The following ZFAT variants were observed in gnomAD, a reference collection of about 807,000 sequenced individuals.
ZFAT encodes the protein zinc finger protein ZFAT.
Under a neutral mutation model 117.7 loss-of-function variants are expected in ZFAT, and 64 were observed. The observed-to-expected ratio is 0.54, with a 90% CI of 0.44 to 0.67. The LOEUF (loss-of-function observed/expected upper bound fraction) is 0.67, where lower values mean the gene tolerates loss of function less well. ZFAT is among the 30% of genes least tolerant of loss of function. The probability of loss-of-function intolerance (pLI) is 0.00; values close to 1 mark genes in which losing one functional copy is unlikely to be tolerated. For missense variants in ZFAT, 1,433 were observed against 1,584.5 expected (o/e 0.90, Z 1.62); for synonymous variants, 679 against 615.0 (o/e 1.10, Z -1.54).
At chr8:134,516,669 T>A (rs1040324797) in intron 13 of ZFAT, among the ~76,000 whole-genome samples, 1 of 152,074 alleles carries the variant, frequency 6.6e-6, no homozygotes, top group East Asian at 1.9e-4. Flanking sequence ...ATCCTGTCTC[T>A]ATTTTTAAAA....
At chr8:134,769,733 C>A in the ZFAT span, among the ~76,000 whole-genome samples, 1 of 151,964 alleles carries the variant, frequency 6.6e-6, no homozygotes, top group Non-Finnish European at 1.5e-5. Flanking sequence ...CTCCATGAGC[C>A]ACGCCTCCCC....
chr8:134,576,773 G>T (rs746330566), intron 10 of ZFAT, among the ~76,000 whole-genome samples: 2 of 152,106 alleles, frequency 1.3e-5, no homozygotes, highest in Non-Finnish European at 1.5e-5. Flanking sequence ...GAAAAAAAGG[G>T]TACTTACTCC....
chr8:134,619,826 C>CCGAAGCT, intron 3 of ZFAT, among the ~76,000 whole-genome samples: 1 of 152,184 alleles, frequency 6.6e-6, no homozygotes, highest in African/African-American at 2.4e-5. Context: ...GATAAGGAGT[C>CCGAAGCT]CGAAGCTCGG....
Position 134,521,127 on chromosome 8 carries a change from A to G in ZFAT, c.3116-126T>C, listed in dbSNP as rs1820624524. On this transcript the variant is annotated intron_variant, in intron 12 of 15. Transcript: ENST00000377838. The stretch of plus-strand genomic sequence containing the variant: ...ATTTTGTCTCCAGCACTTGTATTCA[A>G]TTCAAGCTTACCTTAGTATTGGAAC... 4.6e-6 allele frequency: 3 copies of G among 649,196 alleles called. No homozygotes were observed. In the South Asian group the frequency reaches 6.1e-5, roughly 13 times the overall value. The allele number at this position is 649,196 out of a possible 1,614,324, so 40.2% of individuals were successfully genotyped here.
chr8:134,697,166 G>A (rs1185453990), intron 1 of ZFAT, among the ~76,000 whole-genome samples: 1 of 152,080 alleles, frequency 6.6e-6, no homozygotes, highest in Non-Finnish European at 1.5e-5. Context: ...CCAGGCTGGA[G>A]TGCAGTGGCA....
intron 11 of ZFAT, among the ~76,000 whole-genome samples, chr8:134,560,137 G>A (rs1016019910): frequency 6.6e-6 from 1 of 152,146 alleles, no homozygotes; most frequent in African/African-American, 2.4e-5. Context: ...TTCAAGATCA[G>A]CTAAAATGGC....
intron 2 of ZFAT, among the ~76,000 whole-genome samples, chr8:134,651,399 A>G (rs1831231549): frequency 6.6e-6 from 1 of 152,242 alleles, no homozygotes; most frequent in Non-Finnish European, 1.5e-5. Context: ...TGAATCTTGA[A>G]TGACTGCTTA....
the ZFAT span, among the ~76,000 whole-genome samples, chr8:134,807,088 C>T: frequency 2.0e-5 from 3 of 151,986 alleles, no homozygotes; most frequent in Admixed American, 1.3e-4. Flanking sequence ...GCTGTACAGA[C>T]AAAAAAATGG....
At chr8:134,826,806 T>A in the ZFAT span, among the ~76,000 whole-genome samples, 1 of 152,196 alleles carries the variant, frequency 6.6e-6, no homozygotes, top group Non-Finnish European at 1.5e-5. Context: ...TTAAACTACA[T>A]TTGGCAACTG....
At chr8:134,720,051 G>A in the ZFAT span, among the ~76,000 whole-genome samples, 3 of 152,236 alleles carry the variant, frequency 2.0e-5, no homozygotes, top group East Asian at 1.9e-4. Context: ...TCTTTGGAAC[G>A]CCGCCTCTGG....
chr8:134,668,536 G>A (rs1281344735), intron 1 of ZFAT, among the ~76,000 whole-genome samples: 1 of 152,250 alleles, frequency 6.6e-6, no homozygotes, highest in Non-Finnish European at 1.5e-5. Context: ...ACCTGCAGCT[G>A]AGGGTCCTGA....
At chr8:134,747,080 T>C in the ZFAT span, among the ~76,000 whole-genome samples, 4 of 152,156 alleles carry the variant, frequency 2.6e-5, no homozygotes, top group African/African-American at 9.7e-5. Flanking sequence ...ATATGCCTTT[T>C]TTCTAAAGAT....
rs775794332 is a variant in ZFAT, at chr8:134,588,424, G to A, written c.2564-29C>T. On this transcript the variant is annotated intron_variant, in intron 8 of 15. Coordinates refer to ENST00000377838, the MANE Select transcript of ZFAT (RefSeq NM_020863.4). ...GAAGAAAAGCAGGATGTCAAAAGGA[G>A]TCAGAGCACCTCAGGGGAAGTTAGA... 11 of 1,550,902 alleles carry A rather than the reference G, an allele frequency of 7.1e-6. No individual in the cohort carries two copies. The African/African-American group carries it at 1.1e-4, about 16-fold the overall frequency.
At chr8:134,687,401 TC>T (rs1010041287) in intron 1 of ZFAT, among the ~76,000 whole-genome samples, 1 of 152,206 alleles carries the variant, frequency 6.6e-6, no homozygotes, top group Non-Finnish European at 1.5e-5. Context: ...TGCATACACA[TC>T]TCTTCCATGT....
chr8:134,479,022 A>T (rs766267958), intron 15 of ZFAT, among the ~76,000 whole-genome samples: 8 of 151,986 alleles, frequency 5.3e-5, no homozygotes, highest in Non-Finnish European at 1.0e-4. Context: ...GGCTTCCAGG[A>T]GGTGTGGGGT....
the ZFAT span, among the ~76,000 whole-genome samples, chr8:134,728,898 CTT>C: frequency 6.6e-6 from 1 of 151,894 alleles, no homozygotes; most frequent in Non-Finnish European, 1.5e-5. Context: ...GAGTTCATTC[CTT>C]TTTTTCCAGT....
intron 2 of ZFAT, among the ~76,000 whole-genome samples, chr8:134,644,516 AC>A (rs1395021327): frequency 6.6e-6 from 1 of 151,942 alleles, no homozygotes; most frequent in African/African-American, 2.4e-5. Context: ...AATCATACAC[AC>A]ATACACAAGC....
At chr8:134,827,062 G>A in the ZFAT span, among the ~76,000 whole-genome samples, 2 of 151,646 alleles carry the variant, frequency 1.3e-5, no homozygotes, top group East Asian at 1.9e-4. Flanking sequence ...AGGGGTGTCC[G>A]GAGAGGGAGA....
chr8:134,582,094 T>A (rs1825751484), intron 10 of ZFAT, among the ~76,000 whole-genome samples: 1 of 152,250 alleles, frequency 6.6e-6, no homozygotes, highest in Non-Finnish European at 1.5e-5. Context: ...AAGACATCTT[T>A]GTCCATCTGA....
Sources: gnomAD v4.1 joint callset for allele counts (sites outside exome capture counted in the v4.1 genomes callset) on GRCh38, gnomAD v4.1.1 for gene constraint, MANE v1.5 for transcripts, NCBI Gene and HGNC (gene_info 2026-07-23, HGNC 2026-07-21) for gene names.